The following PSD4 variants were observed in gnomAD, a reference collection of about 807,000 sequenced individuals.
PSD4 encodes pleckstrin and Sec7 domain containing 4, also known as PH and SEC7 domain-containing protein 4.
PSD4 carries 59 observed loss-of-function variants against 112.5 expected under a neutral mutation model. That is an observed-to-expected ratio of 0.52 (90% CI 0.43 to 0.65). The LOEUF is 0.65. PSD4 is among the 30% of genes least tolerant of loss of function. The pLI, the probability that PSD4 is intolerant of heterozygous loss-of-function variation, is 0.00. For synonymous variants in PSD4, 533 were observed against 540.0 expected, an observed-to-expected ratio of 0.99 and a Z score of 0.18; for missense variants, 1,267 against 1,352.6, an observed-to-expected ratio of 0.94 and a Z score of 0.99.
Position 113,194,177 on chromosome 2 carries a change from G to A in PSD4, c.2181+229G>A, listed in dbSNP as rs45584535. Among the ~76,000 whole-genome samples the A allele has an allele frequency of 2.6e-3, 398 of 152,300 alleles. 4 individuals are homozygous for A. Among genetic ancestry groups the A allele is most frequent in the African/African-American group, 9.2e-3 (382 of 41,560 alleles). On this transcript the variant is annotated intron_variant, in intron 10 of 16. Transcript: ENST00000245796. Reference sequence around the variant, plus strand: ...GCAGGCTCCCTGTGCTGGACTTATTGAATCAGACTCTCTGAGACTGGGACC... The same window carrying A: ...GCAGGCTCCCTGTGCTGGACTTATTAAATCAGACTCTCTGAGACTGGGACC...
chr2:113,192,242 ACT>A (rs1389426674), intron 5 of PSD4, 136 bp from the exon 6 acceptor site: 1 of 811,824 alleles, frequency 1.2e-6, no homozygotes, highest in African/African-American at 1.7e-5. Flanking sequence ...TCTGGCTGTG[ACT>A]CTGTCTCTTC....
Position 113,198,816 on chromosome 2 carries a change from G to A in PSD4, c.2701G>A (p.Ala901Thr), listed in dbSNP as rs1688685310. 1.3e-6 allele frequency: 2 copies of A among 1,594,018 alleles called. No homozygotes were observed. The highest frequency in any genetic ancestry group is 1.7e-6 in the Non-Finnish European group (2 of 1,174,532). Residue 901 changes from alanine (A) to threonine (T), a missense_variant, in exon 15 of 17, where the codon GCC becomes ACC. By Grantham distance (58) the Ala-to-Thr change is moderately conservative (BLOSUM62 0). Coordinates refer to ENST00000245796, the MANE Select transcript of PSD4 (RefSeq NM_012455.3). Reference protein sequence around the residue: ...AATHSAPPFPAAVGSQRRFVR... With the variant: ...AATHSAPPFPTAVGSQRRFVR... The stretch of plus-strand genomic sequence containing the variant: ...CACGCACTCCGCGCCGCCCTTCCCC[G>A]CCGCTGTGGGCTCCCAGCGCAGATT...
chr2:113,186,012 C>A lies in PSD4; in HGVS notation c.1385C>A (p.Pro462His), dbSNP rs775879526. The change falls in exon 5 of 17, where the codon CCT (proline) becomes CAT (histidine). Residue 462 changes from proline (P) to histidine (H), a missense_variant. Transcript: ENST00000245796. Reference protein sequence around the residue: ...ESRGPGPRPSPASSQEGSPQL... With the variant: ...ESRGPGPRPSHASSQEGSPQL... Reference sequence around the variant, plus strand: ...AGAGGCCCTGGTCCCAGGCCCAGCCCTGCATCGTCCCAGGAGGGCAGCCCG... The same window carrying A: ...AGAGGCCCTGGTCCCAGGCCCAGCCATGCATCGTCCCAGGAGGGCAGCCCG... The A allele has an allele frequency of 1.2e-6, 2 of 1,614,222 alleles. No homozygotes were observed. The highest frequency in any genetic ancestry group is 4.5e-5 in the East Asian group (2 of 44,890).
chr2:113,182,396 A>C lies in PSD4; in HGVS notation c.-61A>C. On this transcript the variant is annotated 5_prime_UTR_variant, in exon 2 of 17. Coordinates refer to ENST00000245796, the MANE Select transcript of PSD4 (RefSeq NM_012455.3). Reference sequence around the variant, plus strand: ...CAGCGGCCAGTGCTCCCCCTAGTCCACACAGTGAGACCGTGAAAGCAGATG... The same window carrying C: ...CAGCGGCCAGTGCTCCCCCTAGTCCCCACAGTGAGACCGTGAAAGCAGATG... The C allele has an allele frequency of 6.9e-7, 1 of 1,454,812 alleles. No homozygotes were observed. Among genetic ancestry groups the C allele is most frequent in the Non-Finnish European group, 9.4e-7 (1 of 1,068,206 alleles). 90.1% of individuals were successfully genotyped at this position (1,454,812 alleles called of 1,614,324 possible).
intron 1 of PSD4, among the ~76,000 whole-genome samples, chr2:113,178,630 T>C (rs1216718372): frequency 6.6e-6 from 1 of 152,112 alleles, no homozygotes; most frequent in Non-Finnish European, 1.5e-5. Context: ...CAGGATGTCC[T>C]TTCTAGCAGG....
At chr2:113,184,866 CT>C in intron 2 of PSD4, 90 bp from the exon 3 acceptor site, 1 of 1,554,728 alleles carries the variant, frequency 6.4e-7, no homozygotes, top group Non-Finnish European at 8.7e-7. Context: ...AGGGAGGAGG[CT>C]TCATGGGATT....
Position 113,201,467 on chromosome 2 carries a change from T to G in PSD4, c.*52T>G, listed in dbSNP as rs1688778377. On this transcript the variant is annotated 3_prime_UTR_variant, in exon 17 of 17. Transcript: ENST00000245796. ...TCCCTGCTCCAGGGTAGACCTGAGA[T>G]GAACCTCCCTGGAGGAGACTTATTT... 6.3e-7 allele frequency: 1 copy of G among 1,596,394 alleles called. No homozygotes were observed.
chr2:113,183,651 G>T (rs943750445), intron 2 of PSD4, 139 bp downstream of exon 2: 2 of 748,722 alleles, frequency 2.7e-6, no homozygotes, highest in African/African-American at 3.6e-5. Flanking sequence ...ATATAGCAGG[G>T]TAATAGAGCA....
In PSD4 at chr2:113,195,844, C is replaced by T. The variant is rs1485478791; in HGVS notation, c.2225+74C>T. ...TTTGGACTGTCCTCCCTCTGTCACC[C>T]ACCCGAGAGTTAGAGAAACTCAGAT... On this transcript the variant is annotated intron_variant, in intron 11 of 16. Coordinates refer to ENST00000245796, the MANE Select transcript of PSD4 (RefSeq NM_012455.3). 9 of 1,579,016 alleles carry T rather than the reference C, an allele frequency of 5.7e-6. No homozygotes were observed. In the South Asian group the frequency reaches 6.7e-5, roughly 12 times the overall value.
intron 2 of PSD4, among the ~76,000 whole-genome samples, chr2:113,184,508 G>A (rs1688237056): frequency 6.6e-6 from 1 of 151,934 alleles, no homozygotes; most frequent in African/African-American, 2.4e-5. Context: ...CAGGTAGCTG[G>A]GATTACAGGT....
chr2:113,175,992 C>G (rs1687963599), intron 1 of PSD4, among the ~76,000 whole-genome samples: 1 of 152,156 alleles, frequency 6.6e-6, no homozygotes, highest in Non-Finnish European at 1.5e-5. Context: ...GTTTTTCACC[C>G]AGAGCCACAT....
chr2:113,177,712 A>G (rs1255483068), intron 1 of PSD4, among the ~76,000 whole-genome samples: 1 of 152,186 alleles, frequency 6.6e-6, no homozygotes, highest in Non-Finnish European at 1.5e-5. Context: ...TGGTTGACAA[A>G]TCAGTTACAT....
chr2:113,178,230 G>A (rs17043069), intron 1 of PSD4, among the ~76,000 whole-genome samples: 3 of 151,842 alleles, frequency 2.0e-5, no homozygotes, highest in South Asian at 4.2e-4. Flanking sequence ...AAAAAATGTC[G>A]CAGCCAGTCA....
chr2:113,182,284 C>T (rs1247157277), intron 1 of PSD4, 62 bp from the exon 2 acceptor site: 5 of 631,780 alleles, frequency 7.9e-6, no homozygotes, highest in African/African-American at 5.5e-5. Flanking sequence ...TAACACACTA[C>T]ACACGTGCCT....
intron 5 of PSD4, among the ~76,000 whole-genome samples, chr2:113,187,226 G>A (rs1688324815): frequency 6.6e-6 from 1 of 152,214 alleles, no homozygotes; most frequent in Non-Finnish European, 1.5e-5. Flanking sequence ...CATGTTCCGA[G>A]TTTATCTCAC....
At chr2:113,200,277 C>A (rs1489225884) in intron 16 of PSD4, among the ~76,000 whole-genome samples, 2 of 152,182 alleles carry the variant, frequency 1.3e-5, no homozygotes, top group African/African-American at 4.8e-5. Flanking sequence ...CTTCAGGGAT[C>A]CTGGGTGCCT....
In PSD4 at chr2:113,185,369, C is replaced by A; in HGVS notation, c.1178C>A (p.Ser393Tyr). 1 of 1,614,194 alleles carries A rather than the reference C, an allele frequency of 6.2e-7. No individual in the cohort carries two copies. Among genetic ancestry groups the A allele is most frequent in the Non-Finnish European group, 8.5e-7 (1 of 1,180,038 alleles). ...PAAHPVQPWA[S>Y]LSPEGWQRGG... ...TGCCTTTGCCTCTCTCAACAGGCCT[C>A]TCTCAGCCCTGAGGGCTGGCAGAGA... is the stretch of plus-strand genomic sequence containing the variant. Residue 393 changes from serine (S) to tyrosine (Y), a missense_variant, in exon 4 of 17, where the codon TCT becomes TAT. This residue lies in a region of PSD4 where 723 missense variants were observed against 704.0 expected (regional missense o/e 1.03). Transcript: ENST00000245796.
chr2:113,183,985 G>T (rs1396414827), intron 2 of PSD4, among the ~76,000 whole-genome samples: 2 of 152,212 alleles, frequency 1.3e-5, no homozygotes, highest in Non-Finnish European at 1.5e-5. Flanking sequence ...ATTTCAGCAT[G>T]TTGTTACTTT....
At position 113,193,665 on chromosome 2, in the gene PSD4, A is replaced by C. The variant is rs1688520338; in HGVS notation, c.2091+15A>C. The C allele has an allele frequency of 6.2e-7, 1 of 1,610,730 alleles. No homozygotes were observed. Among genetic ancestry groups the C allele is most frequent in the Non-Finnish European group, 8.5e-7 (1 of 1,177,100 alleles). On this transcript the variant is annotated intron_variant, in intron 9 of 16. Transcript: ENST00000245796. Reference sequence around the variant, plus strand: ...TGCATGGACAGGTAAGACGGTGGAGAGAGTCCCTGTGGGAACTGAGGCTGT... The same window carrying C: ...TGCATGGACAGGTAAGACGGTGGAGCGAGTCCCTGTGGGAACTGAGGCTGT...
Sources: allele counts gnomAD v4.1 joint callset (sites outside exome capture counted in the v4.1 genomes callset), GRCh38; gene constraint gnomAD v4.1.1; regional missense constraint gnomAD v4.1.1; transcripts MANE v1.5; gene names NCBI Gene and HGNC (gene_info 2026-07-23, HGNC 2026-07-21).